The following TBL1XR1 variants were observed in gnomAD, a reference collection of about 807,000 sequenced individuals.
TBL1XR1 encodes the protein TBL1X/Y related 1.
In TBL1XR1, 5 loss-of-function variants were observed where a neutral mutation model predicts 66.9. The ratio of observed to expected loss-of-function variants is 0.07; its 90% CI spans 0.04 to 0.16. The LOEUF (loss-of-function observed/expected upper bound fraction) is 0.16, where lower values mean the gene tolerates loss of function less well. Among genes scored for constraint, TBL1XR1 ranks in the 10% least tolerant of loss-of-function variants. The pLI is 1.00. For missense variants in TBL1XR1, 238 were observed against 623.2 expected (o/e 0.38, Z 6.58); for synonymous variants, 210 against 206.0 (o/e 1.02, Z -0.17).
At chr3:177,119,747 A>C (rs1218255562) in intron 1 of TBL1XR1, among the ~76,000 whole-genome samples, 1 of 152,180 alleles carries the variant, frequency 6.6e-6, no homozygotes, top group Non-Finnish European at 1.5e-5. Context: ...TTGCGTGGCT[A>C]GAAGCTCCAG....
chr3:177,156,360 G>T (rs920858235), intron 1 of TBL1XR1, among the ~76,000 whole-genome samples: 4 of 151,306 alleles, frequency 2.6e-5, no homozygotes, highest in Non-Finnish European at 4.4e-5. Flanking sequence ...TTATCCAGGT[G>T]TGGTGGCGGG....
chr3:177,183,104 A>C (rs115835626), intron 1 of TBL1XR1, among the ~76,000 whole-genome samples: 3,415 of 152,280 alleles, frequency 0.022, 141 homozygotes, highest in African/African-American at 0.078. Context: ...CAACCTAAAG[A>C]CATTAGCACC....
At chr3:177,122,628 G>T (rs1038294704) in intron 1 of TBL1XR1, among the ~76,000 whole-genome samples, 1 of 152,082 alleles carries the variant, frequency 6.6e-6, no homozygotes, top group Non-Finnish European at 1.5e-5. Context: ...TATTAAAGTC[G>T]AGTGTGAGGA....
chr3:177,143,812 C>T (rs193241141), intron 1 of TBL1XR1, among the ~76,000 whole-genome samples: 12 of 152,268 alleles, frequency 7.9e-5, no homozygotes, highest in Admixed American at 7.9e-4. Context: ...AAATTATCAA[C>T]TGTGGTCATC....
chr3:177,190,608 G>A (rs779876546), intron 1 of TBL1XR1, among the ~76,000 whole-genome samples: 6 of 152,080 alleles, frequency 3.9e-5, no homozygotes, highest in East Asian at 1.9e-4. Context: ...GTGGGCCACC[G>A]TACCCAGTCA....
At chr3:177,119,810 T>A (rs546169422) in intron 1 of TBL1XR1, among the ~76,000 whole-genome samples, 1 of 152,232 alleles carries the variant, frequency 6.6e-6, no homozygotes, top group Non-Finnish European at 1.5e-5. Context: ...GTCCTGTGTA[T>A]TGAATTAGTG....
Position 177,047,811 on chromosome 3 carries a change from C to CG in TBL1XR1, c.703-263_703-262insC. 3 of 416,198 alleles carry CG rather than the reference C, an allele frequency of 7.2e-6. No homozygotes were observed. The South Asian group carries it at 1.4e-4, about 19-fold the overall frequency. 25.8% of individuals were successfully genotyped at this position (416,198 alleles called of 1,614,324 possible). On this transcript the variant is annotated intron_variant, in intron 7 of 15. Coordinates refer to ENST00000457928, the MANE Select transcript of TBL1XR1 (RefSeq NM_024665.7). ...CTCTGGACCAGGATCTACATCACCC[C>CG]ACCTCATGCATGCCAAAAGTATTCT...
chr3:177,107,756 C>T (rs183527878), intron 1 of TBL1XR1, among the ~76,000 whole-genome samples: 1 of 152,130 alleles, frequency 6.6e-6, no homozygotes, highest in Non-Finnish European at 1.5e-5. Flanking sequence ...TATTTCAATA[C>T]AGAAAACTCC....
At chr3:177,037,916 T>C in intron 12 of TBL1XR1, 182 bp downstream of exon 12, 3 of 567,054 alleles carry the variant, frequency 5.3e-6, no homozygotes, top group South Asian at 2.7e-5. Context: ...CAAATAGTTT[T>C]ATGTATTTCA....
intron 1 of TBL1XR1, among the ~76,000 whole-genome samples, chr3:177,116,025 GC>G (rs1204695170): frequency 6.6e-6 from 1 of 152,074 alleles, no homozygotes; most frequent in Non-Finnish European, 1.5e-5. Flanking sequence ...ACTTCTTCCT[GC>G]TTAAATATGA....
chr3:177,066,279 A>G (rs1052416285), intron 2 of TBL1XR1, among the ~76,000 whole-genome samples: 2 of 152,198 alleles, frequency 1.3e-5, no homozygotes, highest in Admixed American at 1.3e-4. Flanking sequence ...CATAGGGAGA[A>G]AGACAAATGG....
intron 1 of TBL1XR1, among the ~76,000 whole-genome samples, chr3:177,190,484 T>G (rs1577443402): frequency 6.6e-6 from 1 of 152,228 alleles, no homozygotes; most frequent in Non-Finnish European, 1.5e-5. Flanking sequence ...CCCAGCTAAT[T>G]TTTTGTATTT....
intron 1 of TBL1XR1, among the ~76,000 whole-genome samples, chr3:177,173,942 A>G (rs1364185689): frequency 6.6e-6 from 1 of 152,218 alleles, no homozygotes; most frequent in Non-Finnish European, 1.5e-5. Flanking sequence ...AGAAATTCTA[A>G]TGACTTTTAT....
At chr3:177,096,530 C>T (rs1723515190) in intron 2 of TBL1XR1, among the ~76,000 whole-genome samples, 1 of 152,116 alleles carries the variant, frequency 6.6e-6, no homozygotes, top group African/African-American at 2.4e-5. Context: ...AGATAGGTAG[C>T]TTCATGACAC....
At chr3:177,037,280 A>T (rs1714933594) in intron 12 of TBL1XR1, 2 of 152,386 alleles carry the variant, frequency 1.3e-5, no homozygotes, top group South Asian at 4.1e-4. Context: ...AATTGCAAAT[A>T]AACTTTAATT....
chr3:177,156,710 T>C (rs1731567279), intron 1 of TBL1XR1, among the ~76,000 whole-genome samples: 1 of 152,018 alleles, frequency 6.6e-6, no homozygotes. Flanking sequence ...CAAAAAGATG[T>C]ATGAATGTCC....
chr3:177,141,209 T>C (rs1472042479), intron 1 of TBL1XR1, among the ~76,000 whole-genome samples: 1 of 152,276 alleles, frequency 6.6e-6, no homozygotes. Context: ...CTAGAAAGCT[T>C]GGGGATGGGG....
At chr3:177,195,650 A>T (rs1480470716) in intron 1 of TBL1XR1, 1 of 151,778 alleles carries the variant, frequency 6.6e-6, no homozygotes, top group Non-Finnish European at 1.5e-5. Context: ...TTATTATCCA[A>T]ACTGGTGAAG....
At chr3:177,059,960 A>G (rs959149680) in intron 3 of TBL1XR1, among the ~76,000 whole-genome samples, 1 of 152,152 alleles carries the variant, frequency 6.6e-6, no homozygotes, top group African/African-American at 2.4e-5. Flanking sequence ...CTGCCCTCGA[A>G]CATCAGATTC....
Sources: allele counts gnomAD v4.1 joint callset (sites outside exome capture counted in the v4.1 genomes callset), GRCh38; gene constraint gnomAD v4.1.1; transcripts MANE v1.5; gene names NCBI Gene and HGNC (gene_info 2026-07-23, HGNC 2026-07-21).